The following SLC10A7 variants were observed in gnomAD, a reference collection of about 807,000 sequenced individuals.
SLC10A7 encodes sodium/bile acid cotransporter 7.
In SLC10A7, 29 loss-of-function variants were observed where a neutral mutation model predicts 43.2. The observed-to-expected ratio is 0.67, with a 90% confidence interval of 0.50 to 0.92. The LOEUF (loss-of-function observed/expected upper bound fraction) is 0.92. SLC10A7 is among the 40% of genes least tolerant of loss of function. The pLI is 0.00. For missense variants in SLC10A7, 295 were observed against 403.2 expected, an observed-to-expected ratio of 0.73 and a Z score of 2.30; for synonymous variants, 152 against 144.8, an observed-to-expected ratio of 1.05 and a Z score of -0.35.
At chr4:146,386,089 A>T (rs1411128249) in intron 5 of SLC10A7, among the ~76,000 whole-genome samples, 1 of 152,204 alleles carries the variant, frequency 6.6e-6, no homozygotes, top group Non-Finnish European at 1.5e-5. Flanking sequence ...TCCTTTGGAC[A>T]TATAGCCAGT....
intron 5 of SLC10A7, among the ~76,000 whole-genome samples, chr4:146,358,939 G>T (rs574959484): frequency 2.0e-5 from 3 of 152,258 alleles, no homozygotes; most frequent in African/African-American, 7.2e-5. Flanking sequence ...AACATTAGTA[G>T]ATGCAGCCAA....
intron 3 of SLC10A7, among the ~76,000 whole-genome samples, chr4:146,505,688 A>C (rs1046411096): frequency 6.6e-6 from 1 of 152,214 alleles, no homozygotes; most frequent in Non-Finnish European, 1.5e-5. Flanking sequence ...AGTTCCATTT[A>C]ATATGGTCTT....
At chr4:146,325,857 T>C (rs1280693544) in intron 6 of SLC10A7, 104 bp downstream of exon 6, 1 of 1,013,438 alleles carries the variant, frequency 9.9e-7, no homozygotes. Flanking sequence ...ATTCCAAATA[T>C]GGTGCAAAAT....
intron 4 of SLC10A7, among the ~76,000 whole-genome samples, chr4:146,450,982 G>A (rs1429637323): frequency 6.6e-6 from 1 of 150,472 alleles, no homozygotes; most frequent in African/African-American, 2.4e-5. Flanking sequence ...AAGCAGCGAG[G>A]AAAAGGGAAG....
intron 5 of SLC10A7, among the ~76,000 whole-genome samples, chr4:146,439,590 C>T (rs1027596974): frequency 1.3e-5 from 2 of 152,082 alleles, no homozygotes; most frequent in African/African-American, 2.4e-5. Context: ...CACAAACATT[C>T]ATGACAAAGC....
intron 5 of SLC10A7, among the ~76,000 whole-genome samples, chr4:146,417,795 A>G (rs1303207529): frequency 6.6e-6 from 1 of 152,156 alleles, no homozygotes; most frequent in Non-Finnish European, 1.5e-5. Context: ...TCTTTCAGCT[A>G]CAGATTTGGC....
intron 5 of SLC10A7, among the ~76,000 whole-genome samples, chr4:146,375,824 G>A (rs1188376890): frequency 3.3e-5 from 5 of 151,926 alleles, no homozygotes; most frequent in South Asian, 4.2e-4. Flanking sequence ...ATTCTATTCC[G>A]GCACTTGGTG....
intron 5 of SLC10A7, among the ~76,000 whole-genome samples, chr4:146,356,421 A>G (rs1735637876): frequency 6.6e-6 from 1 of 152,116 alleles, no homozygotes; most frequent in Admixed American, 6.5e-5. Context: ...TTTGTCACTC[A>G]ATTGCATTTG....
chr4:146,457,750 A>C (rs1732193177), intron 4 of SLC10A7, among the ~76,000 whole-genome samples: 1 of 152,018 alleles, frequency 6.6e-6, no homozygotes, highest in South Asian at 2.1e-4. Context: ...GAAATGAACA[A>C]ATTCCTTGAA....
At chr4:146,519,712 G>T (rs1221594362) in intron 1 of SLC10A7, among the ~76,000 whole-genome samples, 1 of 152,088 alleles carries the variant, frequency 6.6e-6, no homozygotes, top group East Asian at 1.9e-4. Flanking sequence ...AGTTTCCCAG[G>T]AATTTTAAAT....
Position 146,399,189 on chromosome 4 carries a change from G to A in SLC10A7, c.435+43594C>T, listed in dbSNP as rs75504693. On this transcript the variant is annotated intron_variant, in intron 5 of 11. Transcript: ENST00000335472. Reference sequence around the variant, plus strand: ...GACACAGGGGGTGGCTAGTTCAAAGGTTCTGAGGAGAAAACAGGCTTGAAA... The same window carrying A: ...GACACAGGGGGTGGCTAGTTCAAAGATTCTGAGGAGAAAACAGGCTTGAAA... Among the ~76,000 whole-genome samples the A allele has an allele frequency of 1.2e-3, 177 of 152,228 alleles. 1 individual carries two copies. In the East Asian group the frequency reaches 0.02, roughly 17 times the overall value.
chr4:146,341,578 T>A (rs527549496), intron 5 of SLC10A7, among the ~76,000 whole-genome samples: 2 of 151,930 alleles, frequency 1.3e-5, no homozygotes, highest in Admixed American at 1.3e-4. Flanking sequence ...TTCTATATAG[T>A]AGTTGGACAC....
chr4:146,454,184 T>A (rs2149919515), intron 4 of SLC10A7, among the ~76,000 whole-genome samples: 1 of 152,056 alleles, frequency 6.6e-6, no homozygotes, highest in South Asian at 2.1e-4. Flanking sequence ...AGGTTCACAA[T>A]AACAATACCT....
At position 146,255,209 on chromosome 4, in the gene SLC10A7, T is replaced by C. The variant is rs1187134631; in HGVS notation, c.*1282A>G. 6.6e-6 allele frequency: 1 copy of C among 152,648 alleles called. No homozygotes were observed. Among genetic ancestry groups the C allele is most frequent in the Non-Finnish European group, 1.5e-5 (1 of 68,038 alleles). 9.5% of individuals were successfully genotyped at this position (152,648 alleles called of 1,614,324 possible). On this transcript the variant is annotated 3_prime_UTR_variant, in exon 12 of 12. Coordinates refer to ENST00000335472, the MANE Select transcript of SLC10A7 (RefSeq NM_001029998.6). Reference sequence around the variant, plus strand: ...ACAGAAAAGTGTTCTCGTAGTTCTATACGTGGCTTCATTCTCTACTTGGGT... The same window carrying C: ...ACAGAAAAGTGTTCTCGTAGTTCTACACGTGGCTTCATTCTCTACTTGGGT...
intron 5 of SLC10A7, among the ~76,000 whole-genome samples, chr4:146,374,825 T>C (rs377632720): frequency 5.3e-5 from 8 of 152,188 alleles, no homozygotes; most frequent in East Asian, 3.8e-4. Context: ...TTTAAAAAGA[T>C]ACATTGGATG....
intron 2 of SLC10A7, 75 bp from the exon 3 acceptor site, chr4:146,510,124 A>T (rs974190230): frequency 7.2e-7 from 1 of 1,381,270 alleles, no homozygotes; most frequent in Admixed American, 2.5e-5. Flanking sequence ...CTAAAATAAC[A>T]TCACATGAGT....
chr4:146,508,323 G>A (rs1333597605), intron 3 of SLC10A7, among the ~76,000 whole-genome samples: 1 of 152,160 alleles, frequency 6.6e-6, no homozygotes, highest in Non-Finnish European at 1.5e-5. Context: ...ACAAAAATGA[G>A]TAAATATCTT....
chr4:146,510,128 C>T (rs1396192194), intron 2 of SLC10A7, 79 bp from the exon 3 acceptor site: 3 of 1,366,816 alleles, frequency 2.2e-6, no homozygotes, highest in Non-Finnish European at 2.9e-6. Flanking sequence ...AATAACATCA[C>T]ATGAGTTAGT....
rs1185646509 is a variant in SLC10A7, at chr4:146,265,027, CT to C, written c.848-6191del. Among the ~76,000 whole-genome samples the C allele has an allele frequency of 2.0e-5, 3 of 152,194 alleles. No individual in the cohort carries two copies. The East Asian group carries it at 5.8e-4, about 29-fold the overall frequency. On this transcript the variant is annotated intron_variant, in intron 10 of 11. Coordinates refer to ENST00000335472, the MANE Select transcript of SLC10A7 (RefSeq NM_001029998.6). ...ATACCCTGCTCAAGAGCTCCAATGA[CT>C]TTCCAGTGTCCATTCATCAAATCCT... is the stretch of plus-strand genomic sequence containing the variant.
Sources: gnomAD v4.1 joint callset for allele counts (sites outside exome capture counted in the v4.1 genomes callset) on GRCh38, gnomAD v4.1.1 for gene constraint, MANE v1.5 for transcripts, NCBI Gene and HGNC (gene_info 2026-07-23, HGNC 2026-07-21) for gene names.